KCNN2: variants seen among roughly 807,000 people sequenced by gnomAD.
The protein encoded by KCNN2 is potassium calcium-activated channel subfamily N member 2.
In KCNN2, 24 loss-of-function variants were observed where a neutral mutation model predicts 55.5. The ratio of observed to expected loss-of-function variants is 0.43; its 90% CI spans 0.31 to 0.61. KCNN2 has a LOEUF of 0.61. KCNN2 is among the 20% of genes least tolerant of loss of function. The pLI is 0.08. For synonymous variants in KCNN2, 431 were observed against 336.1 expected, an observed-to-expected ratio of 1.28 and a Z score of -3.09; for missense variants, 754 against 853.6, an observed-to-expected ratio of 0.88 and a Z score of 1.45.
At chr5:114,341,641 T>C (rs116785778) in intron 2 of KCNN2, among the ~76,000 whole-genome samples, 521 of 152,166 alleles carry the variant, frequency 3.4e-3, no homozygotes, top group East Asian at 0.011. Context: ...CCAGAGATAG[T>C]AAAAGAAAAT....
intron 4 of KCNN2, among the ~76,000 whole-genome samples, chr5:114,464,795 A>G (rs1761363595): frequency 6.9e-6 from 1 of 145,964 alleles, no homozygotes; most frequent in Non-Finnish European, 1.5e-5. Context: ...AATAGTTTTA[A>G]TTATAGTGAA....
intron 3 of KCNN2, among the ~76,000 whole-genome samples, chr5:114,456,906 C>T (rs983014230): frequency 1.3e-5 from 2 of 152,152 alleles, no homozygotes; most frequent in African/African-American, 4.8e-5. Flanking sequence ...GCTTTGCTTC[C>T]TATGGATCAG....
chr5:114,363,008 A>T lies in KCNN2; in HGVS notation c.869A>T (p.Asn290Ile). 1 of 1,597,786 alleles carries T rather than the reference A, an allele frequency of 6.3e-7. No homozygotes were observed. Among genetic ancestry groups the T allele is most frequent in the Non-Finnish European group, 8.5e-7 (1 of 1,175,732 alleles). The part of the protein sequence containing the change: ...VSKPEHNNSN[N>I]LALYGTGGGG... ...AAGCCCGAGCACAACAACTCCAACA[A>T]CCTGGCGCTCTATGGAACCGGCGGC... Residue 290 changes from asparagine (N) to isoleucine (I), a missense_variant, in exon 1 of 8, where the codon AAC (asparagine) becomes ATC (isoleucine). Transcript: ENST00000673685.
chr5:114,493,208 C>T, intron 6 of KCNN2, 195 bp from the exon 7 acceptor site: 1 of 669,522 alleles, frequency 1.5e-6, no homozygotes, highest in East Asian at 2.8e-5. Context: ...CTCACTCTCT[C>T]CTTTCTTTTT....
chr5:114,085,007 TGA>T (rs1260438998), intron 1 of KCNN2, among the ~76,000 whole-genome samples: 1 of 150,976 alleles, frequency 6.6e-6, no homozygotes, highest in African/African-American at 2.4e-5. Flanking sequence ...TCTCTTCCAT[TGA>T]GATATATATA....
intron 2 of KCNN2, among the ~76,000 whole-genome samples, chr5:114,321,661 T>G (rs6881746): frequency 0.26 from 38,853 of 151,166 alleles, 6,296 homozygotes; most frequent in East Asian, 0.86. Flanking sequence ...GTTTTTTTTT[T>G]TTGTTGTTGT....
chr5:114,424,970 GT>G (rs1399927599), intron 3 of KCNN2, among the ~76,000 whole-genome samples: 1 of 152,156 alleles, frequency 6.6e-6, no homozygotes, highest in Non-Finnish European at 1.5e-5. Context: ...TAAAGACGTT[GT>G]TTATATAATG....
chr5:114,157,580 C>T (rs1455950962), intron 1 of KCNN2, among the ~76,000 whole-genome samples: 4 of 152,186 alleles, frequency 2.6e-5, no homozygotes, highest in African/African-American at 9.7e-5. Context: ...GGAATTGCCA[C>T]ACTGACTTCC....
intron 1 of KCNN2, among the ~76,000 whole-genome samples, chr5:114,212,188 A>G (rs948227589): frequency 2.6e-5 from 4 of 151,984 alleles, no homozygotes; most frequent in South Asian, 4.1e-4. Context: ...TTCTAAATCT[A>G]TAGTGAAATA....
intron 1 of KCNN2, among the ~76,000 whole-genome samples, chr5:114,174,736 A>T (rs578057950): frequency 6.6e-6 from 1 of 152,166 alleles, no homozygotes; most frequent in Non-Finnish European, 1.5e-5. Flanking sequence ...TTAATTCCTG[A>T]TTAATTCCAA....
At chr5:114,153,317 C>T (rs1036737479) in intron 1 of KCNN2, among the ~76,000 whole-genome samples, 1 of 152,130 alleles carries the variant, frequency 6.6e-6, no homozygotes, top group South Asian at 2.1e-4. Context: ...TGTTCTCACT[C>T]CAGTAGGCTG....
intron 1 of KCNN2, among the ~76,000 whole-genome samples, chr5:114,173,439 TGTGTGTG>T (rs1753079054): frequency 5.3e-4 from 1 of 1,902 alleles, no homozygotes; most frequent in African/African-American, 1.5e-3. Flanking sequence ...TTGTTTTGTT[TGTGTGTG>T]TGTGTGTGTG....
Position 114,495,938 on chromosome 5 carries a change from G to C in KCNN2, c.2132G>C (p.Arg711Thr). Residue 711 changes from arginine to threonine, a missense_variant, in exon 8 of 8, where the codon AGG becomes ACG. Transcript: ENST00000673685. ...GATATGATTTCTGACTTAAACGAAA[G>C]GAGTGAAGACTTCGAGAAGAGGATT... ...MYDMISDLNE[R>T]SEDFEKRIVT... 1 of 1,613,980 alleles carries C rather than the reference G, an allele frequency of 6.2e-7. No individual in the cohort carries two copies. Among genetic ancestry groups the C allele is most frequent in the Non-Finnish European group, 8.5e-7 (1 of 1,179,918 alleles).
chr5:114,200,007 T>C (rs1178927727), intron 1 of KCNN2, among the ~76,000 whole-genome samples: 3 of 152,138 alleles, frequency 2.0e-5, no homozygotes, highest in Non-Finnish European at 4.4e-5. Context: ...CTTTTTACAA[T>C]GTGTTTGTCT....
intron 2 of KCNN2, among the ~76,000 whole-genome samples, chr5:114,292,600 T>C (rs1755918027): frequency 6.6e-6 from 1 of 152,208 alleles, no homozygotes. Context: ...TGTAGCCTTG[T>C]AGTATAGTTT....
intron 1 of KCNN2, among the ~76,000 whole-genome samples, chr5:114,064,561 T>A (rs1197676876): frequency 1.5e-4 from 23 of 152,306 alleles, no homozygotes. Context: ...TAGCTAAATC[T>A]AACCCGGCGA....
intron 2 of KCNN2, among the ~76,000 whole-genome samples, chr5:114,281,253 G>A (rs905045365): frequency 1.9e-4 from 29 of 152,004 alleles, no homozygotes; most frequent in African/African-American, 2.7e-4. Context: ...GTATTTTGCA[G>A]GTTTCTTTAT....
chr5:114,186,383 C>G (rs1455213896), intron 1 of KCNN2, among the ~76,000 whole-genome samples: 1 of 151,978 alleles, frequency 6.6e-6, no homozygotes, highest in Non-Finnish European at 1.5e-5. Flanking sequence ...GTCCCAAAAC[C>G]CAGAGTAACT....
intron 1 of KCNN2, among the ~76,000 whole-genome samples, chr5:114,056,878 G>A (rs1318502890): frequency 6.6e-6 from 1 of 152,016 alleles, no homozygotes; most frequent in African/African-American, 2.4e-5. Flanking sequence ...ATGAAAATAT[G>A]AACCAAATGA....
Sources: allele counts gnomAD v4.1 joint callset (sites outside exome capture counted in the v4.1 genomes callset), GRCh38; gene constraint gnomAD v4.1.1; transcripts MANE v1.5; gene names NCBI Gene and HGNC (gene_info 2026-07-23, HGNC 2026-07-21).